The following SLCO4A1 variants were observed in gnomAD, a reference collection of about 807,000 sequenced individuals.
SLCO4A1 encodes colon organic anion transporter.
SLCO4A1 carries 51 observed loss-of-function variants against 64.6 expected under a neutral mutation model. That is an observed-to-expected ratio of 0.79 (90% CI 0.63 to 1.00). The LOEUF is 1.00. Among genes scored for constraint, SLCO4A1 ranks in the 50% least tolerant of loss-of-function variants. The pLI is 0.00. For synonymous variants in SLCO4A1, 471 were observed against 444.9 expected (o/e 1.06, Z -0.74); for missense variants, 919 against 980.5 (o/e 0.94, Z 0.84).
At chr20:62,675,742 T>C (rs6011582), downstream of SLCO4A1, among the ~76,000 whole-genome samples, 2,923 of 152,310 alleles carry the variant, frequency 0.019, 91 homozygotes, top group African/African-American at 0.067. Context: ...CCCAGCCTGG[T>C]GGGCACATGG....
rs1263691917 is a variant in SLCO4A1, at chr20:62,666,516, C to T, written c.1413C>T (p.Val471=). 2 of 1,613,348 alleles carry T rather than the reference C, an allele frequency of 1.2e-6. No homozygotes were observed. The highest frequency in any genetic ancestry group is 2.7e-5 in the African/African-American group (2 of 74,940). ...CTVVSLLGIL[V]FSLHCPSVPM... is the part of the protein sequence containing the mutation. ...TTGTCAGCCTGCTGGGCATCCTCGT[C>T]TTCTCACTGCACTGCCCCAGTGTGC... is the stretch of plus-strand genomic sequence containing the variant. The change falls in exon 7 of 12, where the codon GTC becomes GTT. Residue 471 remains valine (V), a synonymous_variant. Transcript: ENST00000217159.
downstream of SLCO4A1, among the ~76,000 whole-genome samples, chr20:62,676,882 C>A (rs1322074104): frequency 6.6e-6 from 1 of 152,232 alleles, no homozygotes; most frequent in East Asian, 1.9e-4. Context: ...AAAAAGTGCA[C>A]CAGCCCGAAT....
chr20:62,682,926 G>A (rs2427378), intron 2 of SLCO4A1, among the ~76,000 whole-genome samples: 2 of 152,010 alleles, frequency 1.3e-5, no homozygotes, highest in East Asian at 1.9e-4. Context: ...CAGCATCCTC[G>A]CCAGTCCAGG....
intron 2 of SLCO4A1, among the ~76,000 whole-genome samples, chr20:62,678,558 G>A (rs1317825856): frequency 6.7e-6 from 1 of 149,498 alleles, no homozygotes; most frequent in African/African-American, 2.5e-5. Flanking sequence ...TTGAGACCGG[G>A]TGTTGCTCTG....
intron 1 of SLCO4A1, among the ~76,000 whole-genome samples, chr20:62,648,792 G>A (rs936240357): frequency 2.6e-5 from 4 of 152,186 alleles, no homozygotes; most frequent in South Asian, 2.1e-4. Context: ...TCCAGGCTCC[G>A]GGCCTCTTGT....
chr20:62,653,623 AGT>A (rs1422434086), intron 1 of SLCO4A1, among the ~76,000 whole-genome samples: 1 of 152,114 alleles, frequency 6.6e-6, no homozygotes, highest in South Asian at 2.1e-4. Context: ...CCTTAGAGTT[AGT>A]GTGTCTGTTA....
rs1278096492 is a variant in SLCO4A1, at chr20:62,685,303, G to GCTGCCCTGT, written n.212-132_212-131insTGTCTGCCC. 2.3e-4 allele frequency: 57 copies of GCTGCCCTGT among 246,066 alleles called. No homozygotes were observed. The highest frequency in any genetic ancestry group is 3.5e-4 in the Non-Finnish European group (54 of 154,210). 15.2% of individuals were successfully genotyped at this position (246,066 alleles called of 1,614,324 possible). The stretch of plus-strand genomic sequence containing the variant: ...TCGGGGCTGGGCCCTGGCTGCCCTG[G>GCTGCCCTGT]CTGCCCCCCGACACCTTCCCCAGCT... On this transcript the variant is annotated intron_variant and non_coding_transcript_variant, in intron 2 of 2. Transcript: ENST00000466818. This position sits in a 1 kb window ranked among gnomAD's most constrained non-coding sequence, Gnocchi z 4.6.
At chr20:62,653,710 G>C (rs1196945754) in intron 1 of SLCO4A1, among the ~76,000 whole-genome samples, 2 of 152,202 alleles carry the variant, frequency 1.3e-5, no homozygotes, top group African/African-American at 4.8e-5. Context: ...CCAAATTCGG[G>C]GGCATATGTG....
chr20:62,663,282 C>T (rs1267012732), intron 5 of SLCO4A1: 1 of 152,224 alleles, frequency 6.6e-6, no homozygotes, highest in African/African-American at 2.4e-5. Flanking sequence ...CATTTGGCCA[C>T]CTCCTCAAAC....
chr20:62,666,706 G>T, intron 7 of SLCO4A1, 131 bp downstream of exon 7: 1 of 795,278 alleles, frequency 1.3e-6, no homozygotes, highest in Non-Finnish European at 2.0e-6. Flanking sequence ...ACAGCGGCAA[G>T]GGCAACACCC....
At chr20:62,690,719 C>T (rs753197612), downstream of SLCO4A1, among the ~76,000 whole-genome samples, 4 of 152,180 alleles carry the variant, frequency 2.6e-5, no homozygotes, top group East Asian at 1.9e-4. Flanking sequence ...TCAATAAACG[C>T]GCTTTCATTT....
chr20:62,687,113 A>AGGGCACCCCCAAACAGGCACGATGGGTG (rs1295963700), downstream of SLCO4A1, among the ~76,000 whole-genome samples: 4 of 146,376 alleles, frequency 2.7e-5, no homozygotes, highest in East Asian at 8.1e-4. Context: ...GCAATGGGAA[A>AGGGCACCCCCAAACAGGCACGATGGGTG]GGGCACCCCC....
At chr20:62,686,964 A>G (rs565845786), downstream of SLCO4A1, among the ~76,000 whole-genome samples, 30 of 137,558 alleles carry the variant, frequency 2.2e-4, no homozygotes, top group Non-Finnish European at 3.2e-4. Context: ...AAACAGGCAC[A>G]ATGGGAACGG....
intron 1 of SLCO4A1, among the ~76,000 whole-genome samples, chr20:62,653,998 C>T (rs1983143099): frequency 6.6e-6 from 1 of 152,016 alleles, no homozygotes; most frequent in East Asian, 1.9e-4. Context: ...ATGTAACAAA[C>T]CTGCATGTTG....
intron 5 of SLCO4A1, among the ~76,000 whole-genome samples, chr20:62,664,532 C>T (rs572698746): frequency 6.6e-6 from 1 of 152,326 alleles, no homozygotes; most frequent in African/African-American, 2.4e-5. Flanking sequence ...GGTCCTGGGT[C>T]ACTTGGGGTC....
rs1271223878 is a variant in SLCO4A1 at position 62,661,832 on chromosome 20, C to A, written c.1121+657C>A. 7.1e-6 allele frequency among the ~76,000 whole-genome samples: 1 copy of A among 141,568 alleles called. No homozygotes were observed. The highest frequency in any genetic ancestry group is 1.6e-5 in the Non-Finnish European group (1 of 63,952). 92.9% of individuals were successfully genotyped at this position (141,568 alleles called of 152,430 possible). A position where few individuals can be genotyped will look rare whatever the true frequency, so the allele number is the denominator to read the frequency against. ...TGTCTTGCTGCACTGCTAGGGTGAA[C>A]CCGGGGCCCTGAGCCGGTGGGGTCC... On this transcript the variant is annotated intron_variant, in intron 5 of 11. Coordinates refer to ENST00000217159, the MANE Select transcript of SLCO4A1 (RefSeq NM_016354.4). The surrounding 1 kb of genome is among the most constrained non-coding windows in gnomAD (Gnocchi z 5.2).
chr20:62,670,172 A>G (rs910373053), intron 11 of SLCO4A1: 1 of 152,230 alleles, frequency 6.6e-6, no homozygotes, highest in African/African-American at 2.4e-5. Flanking sequence ...CTAAGGCCCA[A>G]GCCCTCTGTG....
At position 62,680,013 on chromosome 20, in the gene SLCO4A1, A is replaced by G. The variant is rs536000842; in HGVS notation, n.212-5428A>G. Among the ~76,000 whole-genome samples the G allele has an allele frequency of 1.9e-4, 29 of 152,326 alleles. 1 individual carries two copies. In the South Asian group the frequency reaches 3.3e-3, roughly 17 times the overall value. ...AGTTGTTCCAGGGCTACCCCCAGGA[A>G]TCCCCCAGGAGAGGAGAGCTCGTCT... On this transcript the variant is annotated intron_variant and non_coding_transcript_variant, in intron 2 of 2. Coordinates refer to the SLCO4A1 transcript ENST00000466818.
At position 62,665,051 on chromosome 20, in the gene SLCO4A1, G is replaced by A; in HGVS notation, c.1239G>A (p.Gln413=). ...TCAGCCCCAAGTTCTTGGAGTCCCA[G>A]TTCAGCCTGAGTGCCTCAGAAGCTG... is the stretch of plus-strand genomic sequence containing the variant. ...STFSPKFLES[Q]FSLSASEAAT... is the part of the protein sequence containing the mutation. The change falls in exon 6 of 12, where the codon CAG becomes CAA. Residue 413 remains glutamine, a synonymous_variant. Coordinates refer to ENST00000217159, the MANE Select transcript of SLCO4A1 (RefSeq NM_016354.4). The A allele has an allele frequency of 6.2e-7, 1 of 1,613,594 alleles. No homozygotes were observed. Among genetic ancestry groups the A allele is most frequent in the East Asian group, 2.2e-5 (1 of 44,860 alleles).
Sources: allele counts gnomAD v4.1 joint callset (sites outside exome capture counted in the v4.1 genomes callset), GRCh38; gene constraint gnomAD v4.1.1; non-coding constraint Gnocchi (gnomAD v3.1); transcripts MANE v1.5; gene names NCBI Gene and HGNC (gene_info 2026-07-23, HGNC 2026-07-21).